LPP: variants seen among roughly 807,000 people sequenced by gnomAD.
LPP encodes the protein lipoma-preferred partner.
LPP carries 38 observed loss-of-function variants against 60.4 expected under a neutral mutation model. That is an observed-to-expected ratio of 0.63 (90% CI 0.49 to 0.83). The LOEUF (loss-of-function observed/expected upper bound fraction) is 0.83. Ranked by LOEUF, LPP falls within the 40% of genes least tolerant of loss-of-function variation. The probability of loss-of-function intolerance (pLI) is 0.00; values close to 1 mark genes in which losing one functional copy is unlikely to be tolerated. For missense variants in LPP, 902 were observed against 783.6 expected (o/e 1.15, Z -1.80); for synonymous variants, 328 against 290.8 (o/e 1.13, Z -1.30).
intron 4 of LPP, among the ~76,000 whole-genome samples, chr3:188,411,079 G>T (rs1234163840): frequency 6.6e-6 from 1 of 152,144 alleles, no homozygotes; most frequent in Middle Eastern, 3.4e-3. Flanking sequence ...TTATGGCTGA[G>T]TAGTATCCCA....
chr3:188,168,923 T>C (rs1329140448), intron 1 of LPP, among the ~76,000 whole-genome samples: 1 of 152,246 alleles, frequency 6.6e-6, no homozygotes, highest in African/African-American at 2.4e-5. Context: ...CTAAATTAGA[T>C]ACAGACAAGT....
At chr3:188,640,496 T>C (rs1206037440) in intron 7 of LPP, among the ~76,000 whole-genome samples, 1 of 149,126 alleles carries the variant, frequency 6.7e-6, no homozygotes, top group Non-Finnish European at 1.5e-5. Context: ...TGTGCACATG[T>C]ACCCTAAAAC....
chr3:188,765,201 A>G (rs1298788049), intron 9 of LPP, among the ~76,000 whole-genome samples: 2 of 152,078 alleles, frequency 1.3e-5, no homozygotes, highest in African/African-American at 2.4e-5. Flanking sequence ...AAAAATCCAC[A>G]TGAACTTTCT....
chr3:188,866,397 C>A lies in LPP; in HGVS notation c.1589+19C>A. On this transcript the variant is annotated intron_variant, in intron 10 of 11. Coordinates refer to ENST00000617246, the MANE Select transcript of LPP (RefSeq NM_001375462.1). Reference sequence around the variant, plus strand: ...TCCACAAGTAGGCAACCTACTCTCTCGTCACCACCCTGCCAGTCCTTTTGG... The same window carrying A: ...TCCACAAGTAGGCAACCTACTCTCTAGTCACCACCCTGCCAGTCCTTTTGG... 1 of 1,428,640 alleles carries A rather than the reference C, an allele frequency of 7.0e-7. No homozygotes were observed. The highest frequency in any genetic ancestry group is 1.6e-5 in the South Asian group (1 of 62,110). 88.5% of individuals were successfully genotyped at this position (1,428,640 alleles called of 1,614,324 possible).
intron 2 of LPP, among the ~76,000 whole-genome samples, chr3:188,309,772 A>G (rs185836786): frequency 4.6e-4 from 70 of 152,290 alleles, no homozygotes; most frequent in Admixed American, 3.9e-3. Context: ...ACAAAGGGGA[A>G]AAATCGGGAT....
chr3:188,498,346 AC>A (rs944311791), intron 5 of LPP, among the ~76,000 whole-genome samples: 6 of 151,088 alleles, frequency 4.0e-5, no homozygotes, highest in African/African-American at 1.5e-4. Flanking sequence ...TTCACCAATA[AC>A]CCCCCATTCC....
intron 5 of LPP, among the ~76,000 whole-genome samples, chr3:188,509,348 A>T (rs949814326): frequency 6.6e-6 from 1 of 152,166 alleles, no homozygotes; most frequent in Non-Finnish European, 1.5e-5. Flanking sequence ...CCCTTATTTC[A>T]TAAGAAGACA....
chr3:188,715,869 G>C (rs757392503), intron 8 of LPP, among the ~76,000 whole-genome samples: 6 of 152,168 alleles, frequency 3.9e-5, no homozygotes, highest in Non-Finnish European at 5.9e-5. Context: ...CAACACTGTT[G>C]GAAGACAGTA....
chr3:188,265,032 C>T (rs1239129104), intron 2 of LPP, among the ~76,000 whole-genome samples: 4 of 152,120 alleles, frequency 2.6e-5, no homozygotes. Flanking sequence ...TTTAGTTCCC[C>T]AAACTTCCAC....
chr3:188,386,264 G>GCGCACA (rs1491588129), intron 3 of LPP, among the ~76,000 whole-genome samples: 1 of 99,260 alleles, frequency 1.0e-5, no homozygotes, highest in South Asian at 3.6e-4. Flanking sequence ...TAGCATGCGC[G>GCGCACA]CACACACACA....
chr3:188,548,246 A>G (rs1827180344), intron 6 of LPP, among the ~76,000 whole-genome samples: 1 of 151,998 alleles, frequency 6.6e-6, no homozygotes. Context: ...CAGGCAAGCT[A>G]TTTCACTTCT....
intron 7 of LPP, among the ~76,000 whole-genome samples, chr3:188,625,305 G>C (rs574600663): frequency 6.6e-6 from 1 of 152,196 alleles, no homozygotes; most frequent in South Asian, 2.1e-4. Flanking sequence ...ACTACCCAAG[G>C]CCTCACAGTA....
intron 2 of LPP, among the ~76,000 whole-genome samples, chr3:188,240,342 A>AGAGTGT (rs1723745573): frequency 7.0e-6 from 1 of 143,660 alleles, no homozygotes; most frequent in African/African-American, 2.6e-5. Flanking sequence ...TTTGGGTAAG[A>AGAGTGT]GTGTGTGTGT....
At chr3:188,797,921 A>G (rs902148421) in intron 9 of LPP, among the ~76,000 whole-genome samples, 12 of 152,306 alleles carry the variant, frequency 7.9e-5, no homozygotes, top group African/African-American at 2.9e-4. Context: ...GAACTCTATG[A>G]TGAAACCATT....
At chr3:188,545,748 G>A (rs1826471488) in intron 6 of LPP, among the ~76,000 whole-genome samples, 1 of 152,100 alleles carries the variant, frequency 6.6e-6, no homozygotes, top group Non-Finnish European at 1.5e-5. Context: ...AGTATCACAA[G>A]AGAGAAAGGT....
intron 9 of LPP, among the ~76,000 whole-genome samples, chr3:188,860,519 C>T (rs1318808530): frequency 6.6e-6 from 1 of 152,116 alleles, no homozygotes; most frequent in Non-Finnish European, 1.5e-5. Flanking sequence ...GAACTCTGGA[C>T]ACCTCTGGTC....
At chr3:188,772,406 A>G (rs1438827515) in intron 9 of LPP, among the ~76,000 whole-genome samples, 2 of 152,224 alleles carry the variant, frequency 1.3e-5, no homozygotes, top group Non-Finnish European at 1.5e-5. Context: ...GGTATTATCA[A>G]GTCACTGGCA....
chr3:188,724,250 C>G (rs1717538830), intron 8 of LPP, among the ~76,000 whole-genome samples: 1 of 152,112 alleles, frequency 6.6e-6, no homozygotes, highest in Non-Finnish European at 1.5e-5. Flanking sequence ...AATTTGAACA[C>G]AGAACCCAGC....
intron 9 of LPP, among the ~76,000 whole-genome samples, chr3:188,839,472 T>C (rs1311928724): frequency 2.0e-5 from 3 of 152,208 alleles, no homozygotes; most frequent in Non-Finnish European, 4.4e-5. Context: ...ATTGCAAGAC[T>C]GAGCTAACAC....
Sources: allele counts gnomAD v4.1 joint callset (sites outside exome capture counted in the v4.1 genomes callset), GRCh38; gene constraint gnomAD v4.1.1; transcripts MANE v1.5; gene names NCBI Gene and HGNC (gene_info 2026-07-23, HGNC 2026-07-21).